The following CRACD variants were observed in gnomAD, a reference collection of about 807,000 sequenced individuals.
CRACD encodes the protein capping protein-inhibiting regulator of actin dynamics.
Under a neutral mutation model 106.8 loss-of-function variants are expected in CRACD, and 56 were observed. The observed-to-expected ratio is 0.52, with a 90% CI of 0.42 to 0.66. The LOEUF (loss-of-function observed/expected upper bound fraction) is 0.66. Ranked by LOEUF, CRACD falls within the 30% of genes least tolerant of loss-of-function variation. The pLI is 0.00. For synonymous variants in CRACD, 754 were observed against 670.8 expected (o/e 1.12, Z -1.92); for missense variants, 1,730 against 1,623.2 (o/e 1.07, Z -1.13).
chr4:56,141,626 CAA>C (rs1735199698), intron 1 of CRACD, among the ~76,000 whole-genome samples: 1 of 144,806 alleles, frequency 6.9e-6, no homozygotes, highest in African/African-American at 2.6e-5. Flanking sequence ...AAACTCAAAA[CAA>C]GAGATGCTGA....
chr4:56,292,786 A>C (rs1008085840), intron 3 of CRACD, among the ~76,000 whole-genome samples: 4 of 152,136 alleles, frequency 2.6e-5, no homozygotes, highest in Non-Finnish European at 5.9e-5. Context: ...GGCCTCCCAA[A>C]GTGCTGGGAT....
intron 3 of CRACD, chr4:56,288,667 T>C (rs547959457): frequency 6.6e-6 from 1 of 152,358 alleles, no homozygotes; most frequent in South Asian, 2.1e-4. Context: ...TTTACAGATA[T>C]TGACTGTTTA....
chr4:56,138,974 T>G (rs1735100974), intron 1 of CRACD, among the ~76,000 whole-genome samples: 1 of 152,216 alleles, frequency 6.6e-6, no homozygotes, highest in Non-Finnish European at 1.5e-5. Context: ...GTTTCATAAT[T>G]AGGGCCAGTG....
Position 56,316,362 on chromosome 4 carries a change from A to G in CRACD, c.2860A>G (p.Lys954Glu). ...PAPEHDKAAN[K>E]MPLAQKPALA... ...TCCGGAGCACGACAAGGCAGCAAAC[A>G]AAATGCCACTGGCACAAAAGCCAGC... Residue 954 changes from lysine (K) to glutamate (E), a missense_variant, in exon 8 of 11, where the codon AAA becomes GAA. Physicochemically the swap from Lys to Glu is moderately conservative, Grantham distance 56. Transcript: ENST00000682029. 1.2e-6 allele frequency: 2 copies of G among 1,614,122 alleles called. No individual in the cohort carries two copies. The highest frequency in any genetic ancestry group is 8.5e-7 in the Non-Finnish European group (1 of 1,179,946).
At chr4:56,313,452 G>A in intron 7 of CRACD, 73 bp downstream of exon 7, 1 of 1,380,744 alleles carries the variant, frequency 7.2e-7, no homozygotes, top group Non-Finnish European at 1.0e-6. Context: ...AAGTGGGTTG[G>A]CATTGGGGTG....
At chr4:56,055,806 G>A (rs930853309) in intron 1 of CRACD, among the ~76,000 whole-genome samples, 1 of 152,124 alleles carries the variant, frequency 6.6e-6, no homozygotes, top group African/African-American at 2.4e-5. Context: ...GCTTTGTTCT[G>A]TGAGCGCATA....
intron 2 of CRACD, among the ~76,000 whole-genome samples, chr4:56,194,534 T>TGA (rs1416341218): frequency 1.3e-5 from 2 of 152,096 alleles, no homozygotes; most frequent in East Asian, 3.9e-4. Flanking sequence ...ACCCTTAAGG[T>TGA]GATAGTATTA....
chr4:56,261,734 A>C (rs532438590), intron 2 of CRACD, among the ~76,000 whole-genome samples: 1 of 152,296 alleles, frequency 6.6e-6, no homozygotes, highest in Admixed American at 6.5e-5. Flanking sequence ...GACCAGTGGA[A>C]AAAAACTAGA....
chr4:56,050,528 A>T (rs928814354), intron 1 of CRACD, among the ~76,000 whole-genome samples: 4 of 152,200 alleles, frequency 2.6e-5, no homozygotes, highest in Admixed American at 6.5e-5. Flanking sequence ...TTTGTGACTC[A>T]GGAATCTGAA....
At chr4:56,233,947 C>A (rs1739800513) in intron 2 of CRACD, among the ~76,000 whole-genome samples, 1 of 152,056 alleles carries the variant, frequency 6.6e-6, no homozygotes, top group Admixed American at 6.6e-5. Context: ...TTCTATTTTA[C>A]AAATGATATC....
intron 2 of CRACD, among the ~76,000 whole-genome samples, chr4:56,241,655 A>T (rs1740374588): frequency 6.6e-6 from 1 of 152,182 alleles, no homozygotes; most frequent in Admixed American, 6.5e-5. Flanking sequence ...GGAGACTGAC[A>T]AATAAACCAG....
At chr4:56,111,533 G>A (rs1464469525) in intron 1 of CRACD, among the ~76,000 whole-genome samples, 1 of 152,160 alleles carries the variant, frequency 6.6e-6, no homozygotes, top group Non-Finnish European at 1.5e-5. Context: ...CATTTGAAAA[G>A]TTTAAAAACT....
Position 56,253,600 on chromosome 4 carries a change from A to G in CRACD, c.-188-18721A>G, listed in dbSNP as rs1016955870. On this transcript the variant is annotated intron_variant, in intron 2 of 10. Transcript: ENST00000682029. Reference sequence around the variant, plus strand: ...AATGTCATCGTTTGAGCCACTGTTCATGGACTCAGCCATGTTAAAAGCAAA... The same window carrying G: ...AATGTCATCGTTTGAGCCACTGTTCGTGGACTCAGCCATGTTAAAAGCAAA... Among the ~76,000 whole-genome samples, 6 of 152,244 alleles carry G rather than the reference A, an allele frequency of 3.9e-5. No homozygotes were observed. In the East Asian group the frequency reaches 7.7e-4, roughly 20 times the overall value.
intron 1 of CRACD, among the ~76,000 whole-genome samples, chr4:56,059,250 C>T (rs1184009469): frequency 6.6e-6 from 1 of 151,704 alleles, no homozygotes; most frequent in African/African-American, 2.4e-5. Context: ...TCGGCCTGGG[C>T]AACAAGACCA....
chr4:56,128,431 T>C (rs1734724329), intron 1 of CRACD, among the ~76,000 whole-genome samples: 2 of 152,242 alleles, frequency 1.3e-5, no homozygotes, highest in African/African-American at 2.4e-5. Flanking sequence ...TGAAATTTTT[T>C]TGGCCTGGTG....
intron 2 of CRACD, among the ~76,000 whole-genome samples, chr4:56,269,009 G>A (rs968472833): frequency 6.6e-6 from 1 of 152,148 alleles, no homozygotes; most frequent in East Asian, 1.9e-4. Context: ...ATTTTTAAAT[G>A]ATATCTCAAT....
At position 56,159,835 on chromosome 4, in the gene CRACD, G is replaced by A. The variant is rs1211243197; in HGVS notation, c.-335-19449G>A. Among the ~76,000 whole-genome samples, 3 of 151,988 alleles carry A rather than the reference G, an allele frequency of 2.0e-5. 1 individual carries two copies. In the East Asian group the frequency reaches 5.8e-4, roughly 30 times the overall value. The stretch of plus-strand genomic sequence containing the variant: ...TCACTCTTGTTGCCCAGGCTGGAGT[G>A]CAATGGCACAATCTAGGCTCACCGA... On this transcript the variant is annotated intron_variant, in intron 1 of 10. Transcript: ENST00000682029.
rs779759693 is a variant in CRACD, at chr4:56,085,101, TCATACTTC to T, written c.-336+35804_-336+35811del. On this transcript the variant is annotated intron_variant, in intron 1 of 10. Coordinates refer to ENST00000682029, the MANE Select transcript of CRACD (RefSeq NM_001393381.1). Reference sequence around the variant, plus strand: ...AGTATGGGCGTTTGGCATGAACAGATCATACTTCCTGACATCTCTTCTCCACAAGCATT... The same window carrying T: ...AGTATGGGCGTTTGGCATGAACAGATCTGACATCTCTTCTCCACAAGCATT... Among the ~76,000 whole-genome samples the T allele has an allele frequency of 9.9e-5, 15 of 152,218 alleles. 1 individual carries two copies. In the East Asian group the frequency reaches 2.9e-3, roughly 29 times the overall value.
intron 2 of CRACD, among the ~76,000 whole-genome samples, chr4:56,199,826 C>A (rs897813790): frequency 1.3e-5 from 2 of 151,990 alleles, no homozygotes; most frequent in African/African-American, 4.8e-5. Context: ...GACATTTTCT[C>A]TTCTTTGAGC....
Sources: gnomAD v4.1 joint callset for allele counts (sites outside exome capture counted in the v4.1 genomes callset) on GRCh38, gnomAD v4.1.1 for gene constraint, MANE v1.5 for transcripts, NCBI Gene and HGNC (gene_info 2026-07-23, HGNC 2026-07-21) for gene names.